Variants in CDK5RAP2 observed in about 807,000 individuals in gnomAD.
CDK5RAP2 encodes CDK5 regulatory subunit associated protein 2.
In CDK5RAP2, 147 loss-of-function variants were observed where a neutral mutation model predicts 232.9. That is an observed-to-expected ratio of 0.63 (90% CI 0.55 to 0.72). CDK5RAP2 has a LOEUF of 0.72. Ranked by LOEUF, CDK5RAP2 falls within the 30% of genes least tolerant of loss-of-function variation. The probability of loss-of-function intolerance (pLI) is 0.00; values close to 1 mark genes in which losing one functional copy is unlikely to be tolerated. For missense variants in CDK5RAP2, 2,195 were observed against 2,231.5 expected, an observed-to-expected ratio of 0.98 and a Z score of 0.33; for synonymous variants, 833 against 833.7, an observed-to-expected ratio of 1.00 and a Z score of 0.01.
chr9:120,535,566 A>AC (rs1293099746), intron 7 of CDK5RAP2, among the ~76,000 whole-genome samples: 1 of 152,266 alleles, frequency 6.6e-6, no homozygotes, highest in Non-Finnish European at 1.5e-5. Flanking sequence ...CAGATAGGTC[A>AC]CAGGTTAGCC....
chr9:120,408,176 T>G (rs1781422109), intron 31 of CDK5RAP2, 171 bp downstream of exon 31: 1 of 797,244 alleles, frequency 1.3e-6, no homozygotes, highest in Non-Finnish European at 2.2e-6. Context: ...TGTTTCCTGC[T>G]GTTCCTTCAG....
At chr9:120,482,001 T>C (rs919259714) in intron 14 of CDK5RAP2, among the ~76,000 whole-genome samples, 36 of 152,220 alleles carry the variant, frequency 2.4e-4, no homozygotes, top group African/African-American at 7.7e-4. Context: ...TACCAACATA[T>C]CATCTCTAGT....
chr9:120,533,913 C>T (rs552647958), intron 7 of CDK5RAP2, among the ~76,000 whole-genome samples: 4 of 151,986 alleles, frequency 2.6e-5, no homozygotes, highest in Non-Finnish European at 4.4e-5. Flanking sequence ...CACATCCACT[C>T]TACCTTCTAG....
chr9:120,476,116 T>C (rs967259492), intron 15 of CDK5RAP2, among the ~76,000 whole-genome samples: 1 of 151,672 alleles, frequency 6.6e-6, no homozygotes, highest in African/African-American at 2.4e-5. Flanking sequence ...CAGGGAACGA[T>C]AAAGAGCTCA....
chr9:120,421,233 T>C (rs1419576163), intron 26 of CDK5RAP2, among the ~76,000 whole-genome samples: 5 of 152,162 alleles, frequency 3.3e-5, no homozygotes, highest in Non-Finnish European at 5.9e-5. Context: ...TTGGACATTC[T>C]CCTGACAGCC....
chr9:120,571,220 C>T (rs1421294192), intron 2 of CDK5RAP2, among the ~76,000 whole-genome samples: 2 of 152,074 alleles, frequency 1.3e-5, no homozygotes, highest in East Asian at 3.9e-4. Context: ...CATGAAGGTG[C>T]CCTGTAAGTT....
In CDK5RAP2 at chr9:120,527,858, C is replaced by T; in HGVS notation, c.947G>A (p.Arg316Lys). The T allele has an allele frequency of 1.9e-6, 3 of 1,613,726 alleles. No homozygotes were observed. Among genetic ancestry groups the T allele is most frequent in the Non-Finnish European group, 2.5e-6 (3 of 1,179,832 alleles). ...GGTTAAACCCTGAATGGCTTTATCC[C>T]TCTTTAGACTATTTTTCTTCTCTGT... ...IATEKKNSLK[R>K]DKAIQGLTMA... The change falls in exon 10 of 38, where the codon AGG becomes AAG. Residue 316 changes from arginine (R) to lysine (K), a missense_variant. Coordinates refer to ENST00000349780, the MANE Select transcript of CDK5RAP2 (RefSeq NM_018249.6).
At chr9:120,568,989 T>C (rs1223857517) in intron 2 of CDK5RAP2, among the ~76,000 whole-genome samples, 1 of 152,130 alleles carries the variant, frequency 6.6e-6, no homozygotes, top group African/African-American at 2.4e-5. Context: ...AATACCCAAA[T>C]CTCTCCGCAG....
chr9:120,543,443 T>C (rs1035589642), intron 5 of CDK5RAP2, among the ~76,000 whole-genome samples: 2 of 152,234 alleles, frequency 1.3e-5, no homozygotes, highest in Non-Finnish European at 2.9e-5. Flanking sequence ...ATACATTCTC[T>C]TCTCCTTGAA....
chr9:120,429,657 T>G (rs1328192412), intron 25 of CDK5RAP2, among the ~76,000 whole-genome samples: 3 of 152,112 alleles, frequency 2.0e-5, no homozygotes, highest in Non-Finnish European at 4.4e-5. Context: ...GTAGGAAGAA[T>G]CAATATTGTG....
intron 7 of CDK5RAP2, among the ~76,000 whole-genome samples, chr9:120,531,942 G>A (rs138844925): frequency 2.0e-5 from 3 of 152,006 alleles, no homozygotes; most frequent in Non-Finnish European, 4.4e-5. Flanking sequence ...GGTAGTCACC[G>A]AACTATATAC....
Position 120,439,594 on chromosome 9 carries a change from T to G in CDK5RAP2, c.3527A>C (p.Gln1176Pro). Reference sequence around the variant, plus strand: ...TTTCACGTGTTTCACGTATCGCACTTGGTGCAAACTTGAAAAGGTCATTTC... The same window carrying G: ...TTTCACGTGTTTCACGTATCGCACTGGGTGCAAACTTGAAAAGGTCATTTC... ...GEEMTFSSLHQVRYVKHVKIL... is the reference protein window; with the variant it reads ...GEEMTFSSLHPVRYVKHVKIL... Residue 1176 changes from glutamine to proline, a missense_variant, in exon 24 of 38, where the codon CAA (glutamine) becomes CCA (proline). Physicochemically the swap from Gln to Pro is moderately conservative, Grantham distance 76. Transcript: ENST00000349780. The G allele has an allele frequency of 6.2e-7, 1 of 1,614,196 alleles. No homozygotes were observed. The highest frequency in any genetic ancestry group is 8.5e-7 in the Non-Finnish European group (1 of 1,180,032).
At chr9:120,575,987 C>A (rs2043018593) in intron 1 of CDK5RAP2, among the ~76,000 whole-genome samples, 1 of 152,180 alleles carries the variant, frequency 6.6e-6, no homozygotes, top group African/African-American at 2.4e-5. Context: ...TGACCATGAG[C>A]CACAGAAGAA....
intron 12 of CDK5RAP2, among the ~76,000 whole-genome samples, chr9:120,513,260 T>TC (rs1240252564): frequency 6.6e-6 from 1 of 152,176 alleles, no homozygotes; most frequent in Non-Finnish European, 1.5e-5. Flanking sequence ...TTCCTGGCTT[T>TC]CCCTCAGCAA....
intron 14 of CDK5RAP2, among the ~76,000 whole-genome samples, chr9:120,481,063 A>T (rs913600004): frequency 6.6e-6 from 1 of 152,260 alleles, no homozygotes; most frequent in African/African-American, 2.4e-5. Flanking sequence ...CTCCAGGGCC[A>T]GTGTGTCAGC....
Position 120,527,878 on chromosome 9 carries a change from C to T in CDK5RAP2, c.927G>A (p.Glu309=). ...LREKEREIAT[E]KKNSLKRDKA... is the part of the protein sequence containing the mutation. ...TATCCCTCTTTAGACTATTTTTCTT[C>T]TCTGTAGCAATTTCTCTTTCCTTCT... The change falls in exon 10 of 38, where the codon GAG becomes GAA. Residue 309 remains glutamate, a synonymous_variant. Transcript: ENST00000349780. 6.2e-7 allele frequency: 1 copy of T among 1,613,838 alleles called. No homozygotes were observed. Among genetic ancestry groups the T allele is most frequent in the Non-Finnish European group, 8.5e-7 (1 of 1,179,906 alleles).
In CDK5RAP2 at chr9:120,467,896, C is replaced by T; in HGVS notation, c.2070G>A (p.Gly690=). The part of the protein sequence containing the change: ...DLSCMGFQGN[G]FPDRLASTEQ... ...CTGTAGACGCAAGTCTATCTGGAAA[C>T]CCATTTCCCTGGAAACCCATGCAGG... The change falls in exon 18 of 38, where the codon GGG becomes GGA. Residue 690 remains glycine (G), a synonymous_variant. Transcript: ENST00000349780. 1 of 1,614,116 alleles carries T rather than the reference C, an allele frequency of 6.2e-7. No individual in the cohort carries two copies. Among genetic ancestry groups the T allele is most frequent in the Non-Finnish European group, 8.5e-7 (1 of 1,179,994 alleles).
chr9:120,557,353 G>A (rs984324864), intron 3 of CDK5RAP2, among the ~76,000 whole-genome samples: 2 of 152,052 alleles, frequency 1.3e-5, no homozygotes, highest in African/African-American at 2.4e-5. Context: ...CTGGATACTC[G>A]GCTTTCTACC....
chr9:120,442,832 A>G (rs1475958838), intron 23 of CDK5RAP2, among the ~76,000 whole-genome samples: 2 of 152,326 alleles, frequency 1.3e-5, no homozygotes, highest in East Asian at 3.9e-4. Context: ...ACAACAGTGT[A>G]TATACCACAA....
Sources: allele counts gnomAD v4.1 joint callset (sites outside exome capture counted in the v4.1 genomes callset), GRCh38; gene constraint gnomAD v4.1.1; transcripts MANE v1.5; gene names NCBI Gene and HGNC (gene_info 2026-07-23, HGNC 2026-07-21).